The following PIEZO2 variants were observed in gnomAD, a reference collection of about 807,000 sequenced individuals.
The protein encoded by PIEZO2 is piezo-type mechanosensitive ion channel component 2.
PIEZO2 carries 172 observed loss-of-function variants against 337.3 expected under a neutral mutation model. The ratio of observed to expected loss-of-function variants is 0.51; its 90% CI spans 0.45 to 0.58. PIEZO2 has a LOEUF of 0.58. Ranked by LOEUF, PIEZO2 falls within the 20% of genes least tolerant of loss-of-function variation. PIEZO2 has a pLI of 0.00. For missense variants in PIEZO2, 3,028 were observed against 3,391.3 expected (o/e 0.89, Z 2.66); for synonymous variants, 1,251 against 1,228.5 (o/e 1.02, Z -0.38).
At chr18:10,927,081 G>C (rs1296311843) in intron 3 of PIEZO2, among the ~76,000 whole-genome samples, 1 of 152,178 alleles carries the variant, frequency 6.6e-6, no homozygotes, top group Non-Finnish European at 1.5e-5. Context: ...TGGGTCACAC[G>C]CGGGAGGAGG....
chr18:10,778,335 C>CTTTTT, intron 18 of PIEZO2, among the ~76,000 whole-genome samples: 1 of 127,776 alleles, frequency 7.8e-6, no homozygotes, highest in African/African-American at 2.9e-5. Flanking sequence ...TCTGGCTGCT[C>CTTTTT]TTTTTTTTTT....
intron 11 of PIEZO2, among the ~76,000 whole-genome samples, chr18:10,798,657 G>T (rs1000610933): frequency 6.6e-6 from 1 of 152,154 alleles, no homozygotes; most frequent in Non-Finnish European, 1.5e-5. Flanking sequence ...ATTTCAGTAT[G>T]TCTGGGTTGT....
chr18:11,009,830 G>T lies in PIEZO2; in HGVS notation c.161-30170C>A, dbSNP rs1872030. ...CCTTGTAAGAAGAGGAGAGTAGGAC[G>T]CGGACAGGCACAGAAGGGAGACCGC... On this transcript the variant is annotated intron_variant, in intron 2 of 55. Transcript: ENST00000674853. This position sits in a 1 kb window ranked among gnomAD's most constrained non-coding sequence, Gnocchi z 4.6. 1.3e-5 allele frequency among the ~76,000 whole-genome samples: 2 copies of T among 151,754 alleles called. No individual in the cohort carries two copies. The highest frequency in any genetic ancestry group is 2.4e-5 in the African/African-American group (1 of 41,290).
intron 2 of PIEZO2, among the ~76,000 whole-genome samples, chr18:11,010,034 T>C (rs2035843019): frequency 6.6e-6 from 1 of 152,100 alleles, no homozygotes; most frequent in South Asian, 2.1e-4. Flanking sequence ...AGTAAATGAA[T>C]ACGTACAGGC....
chr18:10,675,314 A>C, intron 53 of PIEZO2, 26 bp from the exon 54 acceptor site: 3 of 1,374,354 alleles, frequency 2.2e-6, no homozygotes, highest in Non-Finnish European at 2.9e-6. Flanking sequence ...AAAAAGATAC[A>C]ATTACGTTTT....
At chr18:10,991,032 T>C (rs546063950) in intron 2 of PIEZO2, among the ~76,000 whole-genome samples, 1 of 152,090 alleles carries the variant, frequency 6.6e-6, no homozygotes, top group South Asian at 2.1e-4. Context: ...AAGTGTTTCC[T>C]CTGCTCTTAT....
intron 3 of PIEZO2, among the ~76,000 whole-genome samples, chr18:10,936,489 A>G (rs1344616968): frequency 6.6e-6 from 1 of 152,142 alleles, no homozygotes; most frequent in Non-Finnish European, 1.5e-5. Flanking sequence ...AGCCTGTGGC[A>G]AGTCCTTGGT....
At position 11,038,959 on chromosome 18, in the gene PIEZO2, G is replaced by A. The variant is rs1004689377; in HGVS notation, c.160+27168C>T. ...GCTTTGACTAGACATAGGTGGATAGGTGTTTGATATATCCTTACGCAAAAT... is the reference window on the plus strand; with the variant it reads ...GCTTTGACTAGACATAGGTGGATAGATGTTTGATATATCCTTACGCAAAAT... On this transcript the variant is annotated intron_variant, in intron 2 of 55. Coordinates refer to ENST00000674853, the MANE Select transcript of PIEZO2 (RefSeq NM_001378183.1). This position sits in a 1 kb window ranked among gnomAD's most constrained non-coding sequence, Gnocchi z 4.1. 3.9e-5 allele frequency among the ~76,000 whole-genome samples: 6 copies of A among 152,146 alleles called. No individual in the cohort carries two copies. Among genetic ancestry groups the A allele is most frequent in the African/African-American group, 1.4e-4 (6 of 41,424 alleles).
At chr18:10,678,817 TC>T (rs2034131767) in intron 52 of PIEZO2, among the ~76,000 whole-genome samples, 1 of 152,140 alleles carries the variant, frequency 6.6e-6, no homozygotes, top group African/African-American at 2.4e-5. Flanking sequence ...GAAGTCTCTC[TC>T]TTCGGAGACA....
At chr18:10,875,479 G>T (rs2042245851) in intron 4 of PIEZO2, among the ~76,000 whole-genome samples, 1 of 152,088 alleles carries the variant, frequency 6.6e-6, no homozygotes, top group Non-Finnish European at 1.5e-5. Flanking sequence ...AAAAGGCCAG[G>T]CTTGGGTGGC....
At chr18:10,820,450 C>T (rs2040489507) in intron 7 of PIEZO2, among the ~76,000 whole-genome samples, 1 of 151,294 alleles carries the variant, frequency 6.6e-6, no homozygotes, top group African/African-American at 2.4e-5. Context: ...ATTTAATTTG[C>T]TCTTAAGCTC....
chr18:10,699,353 C>G (rs1167606752), intron 43 of PIEZO2, among the ~76,000 whole-genome samples, 176 bp from the exon 44 acceptor site: 1 of 152,142 alleles, frequency 6.6e-6, no homozygotes, highest in Non-Finnish European at 1.5e-5. Context: ...GGGAGAGACC[C>G]GGTGGGACGT....
At chr18:10,800,843 C>G (rs2039787496) in intron 10 of PIEZO2, among the ~76,000 whole-genome samples, 1 of 152,226 alleles carries the variant, frequency 6.6e-6, no homozygotes, top group Non-Finnish European at 1.5e-5. Context: ...TCTCAGCCAT[C>G]CCTCCATCTA....
chr18:10,853,263 C>T lies in PIEZO2; in HGVS notation c.917+2090G>A, dbSNP rs1221533270. 1.3e-5 allele frequency among the ~76,000 whole-genome samples: 2 copies of T among 152,318 alleles called. No individual in the cohort carries two copies. Among genetic ancestry groups the T allele is most frequent in the South Asian group, 2.1e-4 (1 of 4,832 alleles). On this transcript the variant is annotated intron_variant, in intron 7 of 55. Coordinates refer to ENST00000674853, the MANE Select transcript of PIEZO2 (RefSeq NM_001378183.1). The surrounding 1 kb of genome is among the most constrained non-coding windows in gnomAD (Gnocchi z 4.2). ...AATCAGGGGAAAAGGGGCCCAAGACCCCGGAATCAAGCCAATGTATAAAAC... is the reference window on the plus strand; with the variant it reads ...AATCAGGGGAAAAGGGGCCCAAGACTCCGGAATCAAGCCAATGTATAAAAC...
chr18:10,915,523 G>A (rs1226552361), intron 3 of PIEZO2, among the ~76,000 whole-genome samples: 4 of 152,158 alleles, frequency 2.6e-5, no homozygotes, highest in Non-Finnish European at 4.4e-5. Flanking sequence ...GCCATCTTTA[G>A]TCCTATTTTA....
intron 2 of PIEZO2, among the ~76,000 whole-genome samples, chr18:11,050,831 A>G (rs1316668833): frequency 2.0e-5 from 3 of 147,762 alleles, no homozygotes; most frequent in African/African-American, 7.6e-5. Context: ...TTGAGTGTAA[A>G]TGCAAGGAAA....
At chr18:10,831,226 C>G (rs1282087696) in intron 7 of PIEZO2, among the ~76,000 whole-genome samples, 2 of 152,184 alleles carry the variant, frequency 1.3e-5, no homozygotes, top group Non-Finnish European at 1.5e-5. Context: ...TCTGAACATT[C>G]ATGTTTACTG....
intron 3 of PIEZO2, among the ~76,000 whole-genome samples, chr18:10,935,620 G>T (rs1318023997): frequency 6.6e-6 from 1 of 152,194 alleles, no homozygotes. Flanking sequence ...GTGCATAAAA[G>T]AAACTGGCTG....
chr18:10,958,461 A>G (rs1444810141), intron 3 of PIEZO2, among the ~76,000 whole-genome samples: 3 of 152,160 alleles, frequency 2.0e-5, no homozygotes, highest in Admixed American at 6.5e-5. Context: ...AAGTGTTTGC[A>G]ATCTATTGCA....
Sources: gnomAD v4.1 joint callset for allele counts (sites outside exome capture counted in the v4.1 genomes callset) on GRCh38, gnomAD v4.1.1 for gene constraint, Gnocchi (gnomAD v3.1) non-coding constraint, MANE v1.5 for transcripts, NCBI Gene and HGNC (gene_info 2026-07-23, HGNC 2026-07-21) for gene names.